Variants in ZBTB7C observed in about 807,000 individuals in gnomAD.
ZBTB7C encodes zinc finger and BTB domain containing 7C, also known as zinc finger and BTB domain-containing protein 7C.
A neutral mutation model predicts 25.7 loss-of-function variants in ZBTB7C; 8 were observed. That is an observed-to-expected ratio of 0.31 (90% CI 0.18 to 0.56). The LOEUF is 0.56. Among genes scored for constraint, ZBTB7C ranks in the 20% least tolerant of loss-of-function variants. The pLI, the probability that ZBTB7C is intolerant of heterozygous loss-of-function variation, is 0.91. For missense variants in ZBTB7C, 824 were observed against 855.2 expected (o/e 0.96, Z 0.46); for synonymous variants, 394 against 369.0 (o/e 1.07, Z -0.78).
At chr18:48,117,623 C>T in intron 3 of ZBTB7C, among the ~76,000 whole-genome samples, 1 of 152,148 alleles carries the variant, frequency 6.6e-6, no homozygotes, top group African/African-American at 2.4e-5. Flanking sequence ...ACTAGTAAAG[C>T]ACTTAAAACA....
intron 3 of ZBTB7C, among the ~76,000 whole-genome samples, chr18:48,167,918 G>A (rs996102303): frequency 6.6e-6 from 1 of 152,184 alleles, no homozygotes; most frequent in Non-Finnish European, 1.5e-5. Context: ...GTCGGATAAA[G>A]GTGCCTGCCC....
At chr18:48,094,419 C>T (rs1234493513) in intron 3 of ZBTB7C, among the ~76,000 whole-genome samples, 2 of 152,194 alleles carry the variant, frequency 1.3e-5, no homozygotes, top group Admixed American at 6.5e-5. Flanking sequence ...AGTAACTGCA[C>T]CTCTTGATCT....
At chr18:48,321,339 G>T (rs1194451668) in intron 2 of ZBTB7C, among the ~76,000 whole-genome samples, 1 of 152,190 alleles carries the variant, frequency 6.6e-6, no homozygotes, top group Non-Finnish European at 1.5e-5. Flanking sequence ...GGCTTGCTCA[G>T]CCCAGAGATG....
intron 3 of ZBTB7C, among the ~76,000 whole-genome samples, chr18:48,129,734 A>G (rs527561690): frequency 2.7e-4 from 41 of 152,274 alleles, no homozygotes; most frequent in African/African-American, 9.6e-4. Flanking sequence ...TCTCTCGTTG[A>G]AAGGCAGAAA....
At chr18:48,402,151 T>A (rs1378747564) in intron 1 of ZBTB7C, among the ~76,000 whole-genome samples, 2 of 151,898 alleles carry the variant, frequency 1.3e-5, no homozygotes, top group Non-Finnish European at 2.9e-5. Flanking sequence ...GGAAACAAAG[T>A]CCTGGGCTCC....
chr18:48,343,040 C>A (rs2046641941), intron 1 of ZBTB7C, among the ~76,000 whole-genome samples: 1 of 152,168 alleles, frequency 6.6e-6, no homozygotes, highest in African/African-American at 2.4e-5. Context: ...CCACCCGGTA[C>A]AAACACAGCC....
chr18:48,277,551 C>T (rs1378454582), intron 2 of ZBTB7C, among the ~76,000 whole-genome samples: 1 of 152,214 alleles, frequency 6.6e-6, no homozygotes, highest in East Asian at 1.9e-4. Flanking sequence ...TTAAACTTCA[C>T]AGCTATTCTA....
rs891722860 is a variant in ZBTB7C at position 48,280,840 on chromosome 18, T to C, written c.-79+57334A>G. Among the ~76,000 whole-genome samples the C allele has an allele frequency of 4.1e-4, 60 of 147,220 alleles. 1 individual carries two copies. The highest frequency in any genetic ancestry group is 1.3e-3 in the African/African-American group (53 of 40,176). On this transcript the variant is annotated intron_variant, in intron 2 of 4. Transcript: ENST00000590800. ...GCACCAGCTTTCCTAGGTAATTTTT[T>C]TCTCTCTCTTTTTTTTTTTTTTTTT...
chr18:48,233,123 T>C (rs900338548), intron 2 of ZBTB7C, among the ~76,000 whole-genome samples: 1 of 152,206 alleles, frequency 6.6e-6, no homozygotes, highest in African/African-American at 2.4e-5. Context: ...TGGGGTCTAA[T>C]GAGAGGTGGT....
At chr18:48,215,197 A>G (rs2042793868) in intron 2 of ZBTB7C, among the ~76,000 whole-genome samples, 1 of 152,208 alleles carries the variant, frequency 6.6e-6, no homozygotes, top group South Asian at 2.1e-4. Context: ...AGAACCTTAG[A>G]AGACACAGAA....
intron 2 of ZBTB7C, among the ~76,000 whole-genome samples, chr18:48,195,746 C>G (rs555464361): frequency 6.6e-6 from 1 of 152,216 alleles, no homozygotes; most frequent in South Asian, 2.1e-4. Context: ...CCCCAACAAC[C>G]TTCCGCAGTT....
In ZBTB7C at chr18:48,052,910, T is replaced by C. The variant is rs561688488; in HGVS notation, c.-16-11787A>G. On this transcript the variant is annotated intron_variant, in intron 3 of 4. Transcript: ENST00000590800. ...CATGCACAGCTCGACTTCAGATGTC[T>C]TGGGGCTGCTGCATCTCACTTTGGG... Among the ~76,000 whole-genome samples, 22 of 152,296 alleles carry C rather than the reference T, an allele frequency of 1.4e-4. No homozygotes were observed. The South Asian group carries it at 4.6e-3, about 32-fold the overall frequency.
intron 3 of ZBTB7C, among the ~76,000 whole-genome samples, chr18:48,144,603 C>T (rs1353585849): frequency 1.3e-5 from 2 of 152,196 alleles, no homozygotes; most frequent in Non-Finnish European, 2.9e-5. Context: ...GCCTCAGCCT[C>T]CCAAAATACT....
intron 1 of ZBTB7C, among the ~76,000 whole-genome samples, chr18:48,387,847 T>C (rs80123421): frequency 3.0e-5 from 2 of 65,932 alleles, no homozygotes; most frequent in Non-Finnish European, 6.1e-5. Flanking sequence ...TTGTTGTTGT[T>C]TGTTTGTTTG....
intron 1 of ZBTB7C, among the ~76,000 whole-genome samples, chr18:48,406,142 C>T (rs1449514909): frequency 6.6e-6 from 1 of 152,092 alleles, no homozygotes; most frequent in Admixed American, 6.5e-5. Flanking sequence ...GATCCCACAC[C>T]CCCGCCCCAG....
intron 2 of ZBTB7C, among the ~76,000 whole-genome samples, chr18:48,308,794 G>A (rs1050998805): frequency 5.3e-5 from 8 of 152,162 alleles, no homozygotes; most frequent in African/African-American, 1.9e-4. Context: ...GCATCAACTG[G>A]GAACTTGATG....
At chr18:48,388,611 C>T (rs180704496) in intron 1 of ZBTB7C, among the ~76,000 whole-genome samples, 7 of 152,242 alleles carry the variant, frequency 4.6e-5, no homozygotes, top group Non-Finnish European at 8.8e-5. Flanking sequence ...CAGCCAGGCG[C>T]GGTAGTACAT....
chr18:48,330,921 G>A (rs1030431847), intron 2 of ZBTB7C, among the ~76,000 whole-genome samples: 1 of 152,264 alleles, frequency 6.6e-6, no homozygotes, highest in Non-Finnish European at 1.5e-5. Flanking sequence ...CGGAGGCAAG[G>A]GCAGTGTTCC....
intron 2 of ZBTB7C, among the ~76,000 whole-genome samples, chr18:48,312,065 G>A (rs1290877861): frequency 6.6e-6 from 1 of 152,198 alleles, no homozygotes; most frequent in Non-Finnish European, 1.5e-5. Flanking sequence ...TTAGAAGGGA[G>A]CCAATGCCTG....
Sources: allele counts gnomAD v4.1 joint callset (sites outside exome capture counted in the v4.1 genomes callset), GRCh38; gene constraint gnomAD v4.1.1; transcripts MANE v1.5; gene names NCBI Gene and HGNC (gene_info 2026-07-23, HGNC 2026-07-21).